Variants in AKAP7 observed in about 807,000 individuals in gnomAD.
AKAP7 encodes the protein A-kinase anchoring protein 7.
AKAP7 carries 39 observed loss-of-function variants against 39.5 expected under a neutral mutation model. The observed-to-expected ratio is 0.99, with a 90% CI of 0.76 to 1.29. AKAP7 has a LOEUF of 1.29. AKAP7 is among the 50% of genes most tolerant of loss of function. AKAP7 has a pLI of 0.00. For synonymous variants in AKAP7, 140 were observed against 139.1 expected, an observed-to-expected ratio of 1.01 and a Z score of -0.05; for missense variants, 414 against 407.7, an observed-to-expected ratio of 1.02 and a Z score of -0.13.
At chr6:131,158,851 G>C (rs992574467) in intron 2 of AKAP7, among the ~76,000 whole-genome samples, 2 of 151,670 alleles carry the variant, frequency 1.3e-5, no homozygotes, top group Admixed American at 6.6e-5. Context: ...AAGAAGACAT[G>C]GCTTGGAAGC....
intron 7 of AKAP7, among the ~76,000 whole-genome samples, chr6:131,261,420 GTAT>G (rs1327193677): frequency 2.0e-5 from 3 of 151,914 alleles, no homozygotes; most frequent in African/African-American, 4.8e-5. Flanking sequence ...AATGTCTATT[GTAT>G]TATTGTCTTT....
chr6:131,201,340 A>G (rs1364913237), intron 6 of AKAP7, among the ~76,000 whole-genome samples: 1 of 152,224 alleles, frequency 6.6e-6, no homozygotes, highest in Non-Finnish European at 1.5e-5. Flanking sequence ...CAGAGTGGTG[A>G]TCAAAATAGA....
chr6:131,172,736 A>G (rs1204664372), intron 5 of AKAP7, among the ~76,000 whole-genome samples: 4 of 152,210 alleles, frequency 2.6e-5, no homozygotes, highest in African/African-American at 9.6e-5. Flanking sequence ...CTTAGACAAA[A>G]TCATGTAAAA....
intron 5 of AKAP7, among the ~76,000 whole-genome samples, chr6:131,177,503 T>C (rs1317440821): frequency 6.6e-6 from 1 of 152,172 alleles, no homozygotes; most frequent in Non-Finnish European, 1.5e-5. Flanking sequence ...CCCATGAAAG[T>C]GAGAACATAC....
chr6:131,254,903 A>G (rs1275151371), intron 7 of AKAP7, among the ~76,000 whole-genome samples: 1 of 152,228 alleles, frequency 6.6e-6, no homozygotes, highest in Non-Finnish European at 1.5e-5. Flanking sequence ...CATTTTATAA[A>G]TATGAGTCAA....
At chr6:131,136,497 A>G (rs981198998) in intron 1 of AKAP7, among the ~76,000 whole-genome samples, 3 of 152,246 alleles carry the variant, frequency 2.0e-5, no homozygotes, top group Admixed American at 6.5e-5. Flanking sequence ...TATGTTGACA[A>G]TTGTTAAGTG....
chr6:131,215,512 G>C (rs1401851930), intron 6 of AKAP7, among the ~76,000 whole-genome samples: 6 of 152,214 alleles, frequency 3.9e-5, no homozygotes, highest in Non-Finnish European at 5.9e-5. Flanking sequence ...GCAGCTGAGG[G>C]AAGGCTGCAG....
At position 131,283,016 on chromosome 6, in the gene AKAP7, G is replaced by A. The variant is rs1203628131; in HGVS notation, c.*1290G>A. The A allele has an allele frequency of 6.4e-6, 1 of 157,300 alleles. No individual in the cohort carries two copies. Among genetic ancestry groups the A allele is most frequent in the Non-Finnish European group, 1.4e-5 (1 of 71,186 alleles). The allele number at this position is 157,300 out of a possible 1,614,324, so 9.7% of individuals were successfully genotyped here. A position where few individuals can be genotyped will look rare whatever the true frequency, so the allele number is the denominator to read the frequency against. The stretch of plus-strand genomic sequence containing the variant: ...ATCAAAAGAAGCGTTGTCCAGGTGT[G>A]TCTACATCTAGTGTTACTTTTAATG... On this transcript the variant is annotated 3_prime_UTR_variant, in exon 8 of 8. Transcript: ENST00000431975.
Position 131,135,525 on chromosome 6 carries a change from CGCCGCTGCT to C in AKAP7, c.-230_-222del, listed in dbSNP as rs1398008023. 5.9e-6 allele frequency: 1 copy of C among 169,840 alleles called. No individual in the cohort carries two copies. Among genetic ancestry groups the C allele is most frequent in the African/African-American group, 2.5e-5 (1 of 39,878 alleles). The allele number at this position is 169,840 out of a possible 1,614,324, so 10.5% of individuals were successfully genotyped here. A position where few individuals can be genotyped will look rare whatever the true frequency, so the allele number is the denominator to read the frequency against. ...GTGCTGCGGCTGCTGCGGCTGCCGC[CGCCGCTGCT>C]GCCGCTGCCGCGGGGGCTGCGGCTT... is the stretch of plus-strand genomic sequence containing the variant. On this transcript the variant is annotated 5_prime_UTR_variant, in exon 1 of 8. Transcript: ENST00000431975.
chr6:131,262,142 G>C (rs1465769645), intron 7 of AKAP7, among the ~76,000 whole-genome samples: 3 of 152,164 alleles, frequency 2.0e-5, no homozygotes, highest in Non-Finnish European at 2.9e-5. Context: ...GCTGATACCA[G>C]GAGGGAAAAG....
In AKAP7 at chr6:131,239,110, C is replaced by A. The variant is rs1432613962; in HGVS notation, c.850+19302C>A. Among the ~76,000 whole-genome samples, 2 of 152,110 alleles carry A rather than the reference C, an allele frequency of 1.3e-5. 1 individual carries two copies. Among genetic ancestry groups the A allele is most frequent in the East Asian group, 3.8e-4 (2 of 5,196 alleles). On this transcript the variant is annotated intron_variant, in intron 7 of 7. Transcript: ENST00000431975. ...TCTTTTAGGGCAGGCCTGGTGGTGA[C>A]AAAATCTCTCAGCATTTGCTTGTCT...
At chr6:131,158,366 A>G (rs1249601866) in intron 2 of AKAP7, among the ~76,000 whole-genome samples, 2 of 152,210 alleles carry the variant, frequency 1.3e-5, no homozygotes, top group Non-Finnish European at 2.9e-5. Flanking sequence ...ACTGTGGTCT[A>G]TTAGAGGTGA....
At chr6:131,195,387 T>C (rs62422458) in intron 5 of AKAP7, among the ~76,000 whole-genome samples, 63 of 152,304 alleles carry the variant, frequency 4.1e-4, no homozygotes, top group Admixed American at 7.2e-4. Flanking sequence ...CTTATAGAAC[T>C]ATGTCTTGAA....
upstream of AKAP7, among the ~76,000 whole-genome samples, chr6:131,131,737 A>T (rs1431865056): frequency 6.6e-6 from 1 of 152,064 alleles, no homozygotes; most frequent in Non-Finnish European, 1.5e-5. Flanking sequence ...CAGGTGGAGT[A>T]CCTAACCCAA....
At chr6:131,232,582 T>C (rs1401619831) in intron 7 of AKAP7, among the ~76,000 whole-genome samples, 6 of 152,094 alleles carry the variant, frequency 3.9e-5, no homozygotes, top group Admixed American at 3.9e-4. Flanking sequence ...TCACAGCACC[T>C]TGGGAGGCCG....
chr6:131,225,762 C>A (rs181243830), intron 7 of AKAP7, among the ~76,000 whole-genome samples: 1 of 152,042 alleles, frequency 6.6e-6, no homozygotes, highest in Admixed American at 6.6e-5. Flanking sequence ...AAATCCAGTT[C>A]TATTTTATGC....
chr6:131,252,981 ATTTGATGAGTT>A (rs1331595780), intron 7 of AKAP7: 1 of 1,579,942 alleles, frequency 6.3e-7, no homozygotes, highest in East Asian at 2.2e-5. Context: ...ATTATGGAGA[ATTTGATGAGTT>A]TTTGGTGAAA....
Position 131,207,491 on chromosome 6 carries a change from A to ATATTTTTTTTTTTTTTTT in AKAP7, c.702+7919_702+7920insATTTTTTTTTTTTTTTTT, listed in dbSNP as rs1554211848. Among the ~76,000 whole-genome samples the ATATTTTTTTTTTTTTTTT allele has an allele frequency of 4.4e-4, 35 of 78,792 alleles. 1 individual carries two copies. Among genetic ancestry groups the ATATTTTTTTTTTTTTTTT allele is most frequent in the African/African-American group, 1.7e-3 (34 of 20,142 alleles). 51.7% of individuals were successfully genotyped at this position (78,792 alleles called of 152,430 possible). On this transcript the variant is annotated intron_variant, in intron 6 of 7. Transcript: ENST00000431975. Reference sequence around the variant, plus strand: ...TGCACACCATGCCTGGCTAATTAAAATTTTTTTTTTTTTTTTTTTTTTTTT... The same window carrying ATATTTTTTTTTTTTTTTT: ...TGCACACCATGCCTGGCTAATTAAAATATTTTTTTTTTTTTTTTTTTTTTTTTTTTTTTTTTTTTTTTT...
chr6:131,261,835 A>T (rs565684269), intron 7 of AKAP7, among the ~76,000 whole-genome samples: 1 of 152,308 alleles, frequency 6.6e-6, no homozygotes, highest in East Asian at 1.9e-4. Flanking sequence ...AACCAAGAAA[A>T]TAGAAACTAC....
Sources: allele counts gnomAD v4.1 joint callset (sites outside exome capture counted in the v4.1 genomes callset), GRCh38; gene constraint gnomAD v4.1.1; transcripts MANE v1.5; gene names NCBI Gene and HGNC (gene_info 2026-07-23, HGNC 2026-07-21).